The following SCFD2 variants were observed in gnomAD, a reference collection of about 807,000 sequenced individuals.
The protein encoded by SCFD2 is sec1 family domain containing 2, also known as sec1 family domain-containing protein 2.
SCFD2 carries 54 observed loss-of-function variants against 58.9 expected under a neutral mutation model. The observed-to-expected ratio is 0.92, with a 90% CI of 0.74 to 1.15. The LOEUF is 1.15. Ranked by LOEUF, SCFD2 falls within the 50% of genes most tolerant of loss-of-function variation. The pLI is 0.00. For missense variants in SCFD2, 805 were observed against 836.6 expected, an observed-to-expected ratio of 0.96 and a Z score of 0.47; for synonymous variants, 321 against 335.9, an observed-to-expected ratio of 0.96 and a Z score of 0.49.
At chr4:53,285,531 G>T (rs1316298225) in intron 3 of SCFD2, among the ~76,000 whole-genome samples, 1 of 151,872 alleles carries the variant, frequency 6.6e-6, no homozygotes, top group African/African-American at 2.4e-5. Flanking sequence ...AAGAAAGATG[G>T]CTGACTAGAG....
At chr4:53,094,374 C>A (rs1185669850) in intron 5 of SCFD2, among the ~76,000 whole-genome samples, 1 of 152,088 alleles carries the variant, frequency 6.6e-6, no homozygotes, top group Non-Finnish European at 1.5e-5. Flanking sequence ...GTCTCTGTCT[C>A]CTTGGCTTGT....
At chr4:53,215,565 T>C (rs1434225945) in intron 4 of SCFD2, among the ~76,000 whole-genome samples, 1 of 152,162 alleles carries the variant, frequency 6.6e-6, no homozygotes, top group Admixed American at 6.5e-5. Flanking sequence ...TGGGGTTTTC[T>C]AGATATACAT....
At chr4:53,135,335 A>G (rs1422006079) in intron 5 of SCFD2, among the ~76,000 whole-genome samples, 1 of 152,216 alleles carries the variant, frequency 6.6e-6, no homozygotes, top group Non-Finnish European at 1.5e-5. Context: ...AATGTTTTGG[A>G]AAATAAACCA....
intron 4 of SCFD2, among the ~76,000 whole-genome samples, chr4:53,183,254 A>T (rs939420380): frequency 6.6e-6 from 1 of 152,224 alleles, no homozygotes; most frequent in African/African-American, 2.4e-5. Flanking sequence ...AACCAACCTA[A>T]ATGTCCAACA....
chr4:53,111,062 C>T (rs553468804), intron 5 of SCFD2, among the ~76,000 whole-genome samples: 25 of 152,234 alleles, frequency 1.6e-4, no homozygotes, highest in African/African-American at 5.3e-4. Flanking sequence ...TGGAAACCAT[C>T]ATTCTCAGAA....
chr4:53,129,043 A>T (rs1435633166), intron 5 of SCFD2, among the ~76,000 whole-genome samples: 1 of 152,254 alleles, frequency 6.6e-6, no homozygotes, highest in Non-Finnish European at 1.5e-5. Context: ...ATTTTACAGT[A>T]TAATTTGGCT....
chr4:53,233,268 G>A (rs889964855), intron 4 of SCFD2, among the ~76,000 whole-genome samples: 1 of 152,152 alleles, frequency 6.6e-6, no homozygotes, highest in African/African-American at 2.4e-5. Flanking sequence ...GGTACAAACA[G>A]CTAGAGGGAG....
chr4:52,925,018 C>T (rs1345152799), intron 5 of SCFD2, among the ~76,000 whole-genome samples: 1 of 152,134 alleles, frequency 6.6e-6, no homozygotes, highest in African/African-American at 2.4e-5. Flanking sequence ...ATGCTAGAAA[C>T]TATTCTAAGA....
At chr4:53,137,680 T>C (rs979472623) in intron 5 of SCFD2, among the ~76,000 whole-genome samples, 14 of 152,222 alleles carry the variant, frequency 9.2e-5, no homozygotes, top group African/African-American at 2.7e-4. Context: ...TAGCCCTTGT[T>C]GACCTGGACT....
chr4:52,956,554 G>T, intron 5 of SCFD2: 2 of 242,366 alleles, frequency 8.3e-6, no homozygotes, highest in African/African-American at 2.3e-5. Context: ...CCTGCAGATT[G>T]GTGCCTTCCT....
At chr4:53,112,322 ACT>A (rs1725195837) in intron 5 of SCFD2, among the ~76,000 whole-genome samples, 1 of 152,076 alleles carries the variant, frequency 6.6e-6, no homozygotes. Flanking sequence ...ATTACAAAAG[ACT>A]CTAGCCTTAA....
chr4:53,063,448 G>T (rs1723572037), intron 5 of SCFD2, among the ~76,000 whole-genome samples: 1 of 152,054 alleles, frequency 6.6e-6, no homozygotes, highest in African/African-American at 2.4e-5. Flanking sequence ...ATTTTAAAAG[G>T]AGATAAAAAG....
chr4:53,271,455 A>ATTTATTTC (rs1477567352), intron 4 of SCFD2, among the ~76,000 whole-genome samples: 1 of 149,938 alleles, frequency 6.7e-6, no homozygotes, highest in Admixed American at 6.7e-5. Flanking sequence ...TTATTTATTT[A>ATTTATTTC]TTTATTTATT....
At chr4:53,278,884 T>TA (rs1407598335) in intron 3 of SCFD2, among the ~76,000 whole-genome samples, 5,576 of 111,412 alleles carry the variant, frequency 0.05, 150 homozygotes, top group Non-Finnish European at 0.065. Context: ...ACAGATGCTC[T>TA]AAAAAAAAAA....
Position 53,327,898 on chromosome 4 carries a change from A to G in SCFD2, c.1008-14135T>C, listed in dbSNP as rs540032293. 1.1e-3 allele frequency among the ~76,000 whole-genome samples: 173 copies of G among 152,284 alleles called. 1 individual carries two copies. In the Middle Eastern group the frequency reaches 0.034, roughly 30 times the overall value. On this transcript the variant is annotated intron_variant, in intron 2 of 8. Transcript: ENST00000401642. Reference sequence around the variant, plus strand: ...GCAGTGGCCTCACTTTGGGAGGCCAACGTGGGTGGATCATGAGGTCAGGAG... The same window carrying G: ...GCAGTGGCCTCACTTTGGGAGGCCAGCGTGGGTGGATCATGAGGTCAGGAG...
intron 5 of SCFD2, among the ~76,000 whole-genome samples, chr4:52,961,533 G>A (rs1441044545): frequency 2.0e-5 from 3 of 151,286 alleles, no homozygotes; most frequent in Admixed American, 6.6e-5. Flanking sequence ...AAGGAGAAAT[G>A]TCAGGGTGTT....
intron 5 of SCFD2, among the ~76,000 whole-genome samples, chr4:52,996,241 CTCTAGCCA>C (rs1560505137): frequency 6.6e-6 from 1 of 152,176 alleles, no homozygotes; most frequent in Non-Finnish European, 1.5e-5. Flanking sequence ...TTCCAAGTCT[CTCTAGCCA>C]TAAGGACCCC....
intron 4 of SCFD2, among the ~76,000 whole-genome samples, chr4:53,180,938 C>T (rs1727530358): frequency 1.3e-5 from 2 of 152,130 alleles, no homozygotes; most frequent in African/African-American, 4.8e-5. Context: ...AATACATGCT[C>T]CCAAGACTAA....
chr4:53,318,685 TGG>T (rs1732934477), intron 2 of SCFD2, among the ~76,000 whole-genome samples: 1 of 152,050 alleles, frequency 6.6e-6, no homozygotes, highest in South Asian at 2.1e-4. Context: ...CAGGAACAGC[TGG>T]TCAACATCTT....
Sources: gnomAD v4.1 joint callset for allele counts (sites outside exome capture counted in the v4.1 genomes callset) on GRCh38, gnomAD v4.1.1 for gene constraint, MANE v1.5 for transcripts, NCBI Gene and HGNC (gene_info 2026-07-23, HGNC 2026-07-21) for gene names.